The following TSKS variants were observed in gnomAD, a reference collection of about 807,000 sequenced individuals.
TSKS encodes testis-specific serine kinase substrate.
TSKS carries 27 observed loss-of-function variants against 68.0 expected under a neutral mutation model. That is an observed-to-expected ratio of 0.40 (90% CI 0.29 to 0.55). TSKS has a LOEUF of 0.55. Ranked by LOEUF, TSKS falls within the 20% of genes least tolerant of loss-of-function variation. The pLI is 0.53. For synonymous variants in TSKS, 331 were observed against 340.4 expected, an observed-to-expected ratio of 0.97 and a Z score of 0.30; for missense variants, 806 against 776.0, an observed-to-expected ratio of 1.04 and a Z score of -0.46.
At position 49,763,052 on chromosome 19, in the gene TSKS, T is replaced by C. The variant is rs772298803; in HGVS notation, c.170+26A>G. The C allele has an allele frequency of 1.4e-5, 22 of 1,604,854 alleles. No individual in the cohort carries two copies. Among genetic ancestry groups the C allele is most frequent in the East Asian group, 2.3e-5 (1 of 44,260 alleles). ...GAGGTAGTGCTGGGCATTAGAACCA[T>C]CCCTGACAGTGTGCAACAAACCCAC... On this transcript the variant is annotated intron_variant, in intron 1 of 10. Coordinates refer to ENST00000246801, the MANE Select transcript of TSKS (RefSeq NM_021733.2). This position sits in a 1 kb window ranked among gnomAD's most constrained non-coding sequence, Gnocchi z 4.5.
intron 10 of TSKS, 51 bp from the exon 11 acceptor site, chr19:49,739,983 G>A (rs2123594285): frequency 6.2e-7 from 1 of 1,609,718 alleles, no homozygotes; most frequent in Admixed American, 1.7e-5. Context: ...GTGCTGGGGT[G>A]TTGGAGTGGA....
intron 1 of TSKS, among the ~76,000 whole-genome samples, chr19:49,762,811 G>C (rs547688445): frequency 6.6e-6 from 1 of 151,452 alleles, no homozygotes; most frequent in Non-Finnish European, 1.5e-5. Flanking sequence ...TCATTCACTA[G>C]CCTCCCTTCT....
chr19:49,759,453 G>A (rs2084421677), intron 2 of TSKS, among the ~76,000 whole-genome samples: 1 of 145,374 alleles, frequency 6.9e-6, no homozygotes, highest in African/African-American at 2.6e-5. Context: ...TGGCAACAGA[G>A]CGAGACTCCA....
intron 6 of TSKS, among the ~76,000 whole-genome samples, chr19:49,745,832 C>A (rs1476414552): frequency 6.6e-6 from 1 of 152,180 alleles, no homozygotes; most frequent in Non-Finnish European, 1.5e-5. Context: ...TTGCTCAGGT[C>A]ACTGCCTTCG....
At chr19:49,758,986 T>C (rs1262406502) in intron 2 of TSKS, among the ~76,000 whole-genome samples, 1 of 151,330 alleles carries the variant, frequency 6.6e-6, no homozygotes, top group Non-Finnish European at 1.5e-5. Flanking sequence ...GCCTCCCACA[T>C]AGCTGGGATT....
intron 7 of TSKS, among the ~76,000 whole-genome samples, chr19:49,744,841 C>A (rs928082412): frequency 2.0e-5 from 3 of 152,128 alleles, no homozygotes; most frequent in Non-Finnish European, 4.4e-5. Flanking sequence ...CCGCCCACGT[C>A]GGCCTCCCAA....
At chr19:49,745,454 C>T in intron 6 of TSKS, 58 bp from the exon 7 acceptor site, 1 of 1,363,176 alleles carries the variant, frequency 7.3e-7, no homozygotes, top group Non-Finnish European at 9.8e-7. Flanking sequence ...TCCCCACCTA[C>T]CCCCACGAGA....
At position 49,756,080 on chromosome 19, in the gene TSKS, C is replaced by G. The variant is rs1600198779; in HGVS notation, c.399+5924G>C. On this transcript the variant is annotated intron_variant, in intron 2 of 10. Transcript: ENST00000246801. The stretch of plus-strand genomic sequence containing the variant: ...GGTCACAAAAATCATCAACGAAATA[C>G]TAGCAAACCAAATCCAACAGCATGT... 3.3e-5 allele frequency among the ~76,000 whole-genome samples: 5 copies of G among 152,242 alleles called. 1 individual carries two copies. In the South Asian group the frequency reaches 1.0e-3, roughly 32 times the overall value.
chr19:49,745,486 A>G, intron 6 of TSKS, 90 bp from the exon 7 acceptor site: 2 of 1,138,022 alleles, frequency 1.8e-6, no homozygotes, highest in Non-Finnish European at 2.4e-6. Context: ...GGACTCACCT[A>G]TCTCGCCCCA....
Position 49,744,188 on chromosome 19 carries a change from G to A in TSKS, c.1361+43C>T, listed in dbSNP as rs559761180. On this transcript the variant is annotated intron_variant, in intron 8 of 10. Coordinates refer to ENST00000246801, the MANE Select transcript of TSKS (RefSeq NM_021733.2). ...CATCTCCTTCCGCATCTCCTTTAATGTCCTATCCACAAGGCTCCCAGAGGC... is the reference window on the plus strand; with the variant it reads ...CATCTCCTTCCGCATCTCCTTTAATATCCTATCCACAAGGCTCCCAGAGGC... 13 of 1,591,374 alleles carry A rather than the reference G, an allele frequency of 8.2e-6. No individual in the cohort carries two copies. In the African/African-American group the frequency reaches 1.6e-4, roughly 20 times the overall value.
chr19:49,744,265 G>A lies in TSKS; in HGVS notation c.1327C>T (p.Arg443Trp), dbSNP rs567740680. Residue 443 changes from arginine to tryptophan, a missense_variant, in exon 8 of 11, where the codon CGG becomes TGG. Transcript: ENST00000246801. ...CGGGCACAGTTGCCTTGGTGGGACC[G>A]ATCCAGGTTCATGGAGAGGTCAGGC... is the stretch of plus-strand genomic sequence containing the variant. Reference protein sequence around the residue: ...RGPDLSMNLDRSHQGNCARCA... With the variant: ...RGPDLSMNLDWSHQGNCARCA... 1.8e-5 allele frequency: 29 copies of A among 1,613,968 alleles called. No individual in the cohort carries two copies. In the African/African-American group the frequency reaches 2.1e-4, roughly 12 times the overall value.
rs1600204051 is a variant in TSKS, at chr19:49,762,048, T to G, written c.355A>C (p.Thr119Pro). The G allele has an allele frequency of 6.2e-7, 1 of 1,613,552 alleles. No individual in the cohort carries two copies. The highest frequency in any genetic ancestry group is 2.2e-5 in the East Asian group (1 of 44,848). Residue 119 changes from threonine (T) to proline (P), a missense_variant, in exon 2 of 11, where the codon ACC becomes CCC. Transcript: ENST00000246801. ...LTLAGPPASPTLPWDPDDADI... is the reference protein window; with the variant it reads ...LTLAGPPASPPLPWDPDDADI... ...GCGTCATCCGGATCCCAGGGTAGGG[T>G]AGGGGAGGCAGGGGGCCCAGCCAGT...
chr19:49,741,835 G>T, intron 9 of TSKS, 50 bp downstream of exon 9: 1 of 1,612,170 alleles, frequency 6.2e-7, no homozygotes, highest in Non-Finnish European at 8.5e-7. Flanking sequence ...CCCTCCCCTT[G>T]CCCCAACAGA....
intron 2 of TSKS, among the ~76,000 whole-genome samples, chr19:49,750,383 C>T (rs972471708): frequency 6.6e-6 from 1 of 151,714 alleles, no homozygotes; most frequent in Non-Finnish European, 1.5e-5. Flanking sequence ...TTCAGCCTCC[C>T]GAATAGCTGG....
At chr19:49,754,255 T>C (rs1186576056) in intron 2 of TSKS, among the ~76,000 whole-genome samples, 1 of 150,728 alleles carries the variant, frequency 6.6e-6, no homozygotes, top group Non-Finnish European at 1.5e-5. Context: ...TCTCAGCACT[T>C]TGGGAGGCCA....
chr19:49,762,005 A>T lies in TSKS; in HGVS notation c.398T>A (p.Leu133Gln), dbSNP rs1421919429. 6.2e-7 allele frequency: 1 copy of T among 1,611,108 alleles called. No homozygotes were observed. The highest frequency in any genetic ancestry group is 8.5e-7 in the Non-Finnish European group (1 of 1,177,808). ...DPDDADITEI[L>Q]SGVNSGLVRA... ...GCGGGTGGTGTGGAGGGCCCTCACC[A>T]GGATTTCCGTGATGTCTGCGTCATC... The change falls in exon 2 of 11, where the codon CTG becomes CAG. Residue 133 changes from leucine to glutamine, a missense_variant and splice_region_variant. Physicochemically the swap from Leu to Gln is moderately radical, Grantham distance 113 (BLOSUM62 -2). Transcript: ENST00000246801.
At position 49,745,336 on chromosome 19, in the gene TSKS, G is replaced by T. The variant is rs1285373556; in HGVS notation, c.1053C>A (p.Ala351=). Residue 351 remains alanine (A), a synonymous_variant, in exon 7 of 11, where the codon GCC becomes GCA. Transcript: ENST00000246801. ...WHQEEGAVQE[A]LRLLGGLGGR... Reference sequence around the variant, plus strand: ...CGCCCAGGCCCCCGAGCAGCCGCAGGGCTTCCTGCACCGCCCCCTCCTCCT... The same window carrying T: ...CGCCCAGGCCCCCGAGCAGCCGCAGTGCTTCCTGCACCGCCCCCTCCTCCT... 1.2e-6 allele frequency: 2 copies of T among 1,600,432 alleles called. No individual in the cohort carries two copies. The highest frequency in any genetic ancestry group is 2.2e-5 in the South Asian group (2 of 90,280).
At chr19:49,760,873 G>C (rs558615530) in intron 2 of TSKS, among the ~76,000 whole-genome samples, 2 of 152,244 alleles carry the variant, frequency 1.3e-5, no homozygotes, top group African/African-American at 4.8e-5. Context: ...CAGATCACCT[G>C]AGGTCCGGAG....
chr19:49,747,210 C>T, intron 5 of TSKS, 179 bp downstream of exon 5: 1 of 1,537,848 alleles, frequency 6.5e-7, no homozygotes, highest in South Asian at 1.2e-5. Flanking sequence ...AGTCCCCCAT[C>T]TGGGTGTTGG....
Sources: gnomAD v4.1 joint callset for allele counts (sites outside exome capture counted in the v4.1 genomes callset) on GRCh38, gnomAD v4.1.1 for gene constraint, Gnocchi (gnomAD v3.1) non-coding constraint, MANE v1.5 for transcripts, NCBI Gene and HGNC (gene_info 2026-07-23, HGNC 2026-07-21) for gene names.